SPDL1: variants seen among roughly 807,000 people sequenced by gnomAD.
The protein encoded by SPDL1 is protein Spindly.
Under a neutral mutation model 79.5 loss-of-function variants are expected in SPDL1, and 85 were observed. That is an observed-to-expected ratio of 1.07 (90% CI 0.90 to 1.28). The LOEUF is 1.28. Among genes scored for constraint, SPDL1 ranks in the 50% most tolerant of loss-of-function variants. SPDL1 has a pLI of 0.00. For missense variants in SPDL1, 703 were observed against 697.8 expected (o/e 1.01, Z -0.08); for synonymous variants, 269 against 240.3 (o/e 1.12, Z -1.10).
intron 5 of SPDL1, 49 bp downstream of exon 5, chr5:169,594,343 T>A: frequency 6.2e-7 from 1 of 1,612,544 alleles, no homozygotes; most frequent in Non-Finnish European, 8.5e-7. Flanking sequence ...CATAACTTAT[T>A]TTCTTGCTAA....
chr5:169,604,094 A>G lies in SPDL1; in HGVS notation c.1705A>G (p.Lys569Glu), dbSNP rs764194590. Residue 569 changes from lysine (K) to glutamate (E), a missense_variant, in exon 12 of 12, where the codon AAA (lysine) becomes GAA (glutamate). Coordinates refer to ENST00000265295, the MANE Select transcript of SPDL1 (RefSeq NM_017785.5). ...TGAATCAAAGCTTCAAACAGAAGTTAAAGAAGGAAAAGAAACTTCAAGCAA... is the reference window on the plus strand; with the variant it reads ...TGAATCAAAGCTTCAAACAGAAGTTGAAGAAGGAAAAGAAACTTCAAGCAA... ...AAESKLQTEVKEGKETSSKLE... is the reference protein window; with the variant it reads ...AAESKLQTEVEEGKETSSKLE... 6.2e-7 allele frequency: 1 copy of G among 1,613,100 alleles called. No individual in the cohort carries two copies. The highest frequency in any genetic ancestry group is 1.1e-5 in the South Asian group (1 of 90,872).
At chr5:169,596,862 A>AT (rs2113370145) in intron 8 of SPDL1, among the ~76,000 whole-genome samples, 161 bp downstream of exon 8, 1 of 152,308 alleles carries the variant, frequency 6.6e-6, no homozygotes, top group South Asian at 2.1e-4. Flanking sequence ...TCCATTGGTG[A>AT]TTCTTGCCTG....
chr5:169,599,199 G>A, intron 10 of SPDL1, 40 bp downstream of exon 10: 1 of 1,231,932 alleles, frequency 8.1e-7, no homozygotes, highest in Non-Finnish European at 1.1e-6. Flanking sequence ...TAAATTATGA[G>A]TAACCTGAAA....
rs1487654927 is a variant in SPDL1, at chr5:169,601,476, A to G, written c.1521A>G (p.Ile507Met). Residue 507 changes from isoleucine (I) to methionine (M), a missense_variant, in exon 11 of 12, where the codon ATA becomes ATG. Ile to Met is a conservative substitution (Grantham distance 10). Coordinates refer to ENST00000265295, the MANE Select transcript of SPDL1 (RefSeq NM_017785.5). The part of the protein sequence containing the change: ...NNLQLEKSVS[I>M]YTPVVSLSPH... The stretch of plus-strand genomic sequence containing the variant: ...TGCAATTAGAAAAATCAGTTTCTAT[A>G]TACACACCAGTAGTCAGTCTCTCTC... 3.1e-6 allele frequency: 5 copies of G among 1,614,164 alleles called. No individual in the cohort carries two copies. The South Asian group carries it at 3.3e-5, about 11-fold the overall frequency.
rs200981583 is a variant in SPDL1 at position 169,596,699 on chromosome 5, A to G, written c.1030A>G (p.Lys344Glu). Residue 344 changes from lysine to glutamate, a missense_variant and splice_region_variant, in exon 8 of 12, where the codon AAG (lysine) becomes GAG (glutamate). Transcript: ENST00000265295. ...LGEIRNLEKF[K>E]NLYDSMESKP... ...TGAAATTAGAAATCTGGAGAAATTT[A>G]AGGTATGTATAACAGTTAAAAAAAC... The G allele has an allele frequency of 6.9e-6, 11 of 1,594,876 alleles. No individual in the cohort carries two copies. The highest frequency in any genetic ancestry group is 9.4e-6 in the Non-Finnish European group (11 of 1,174,684).
chr5:169,593,606 T>C, intron 4 of SPDL1, 58 bp downstream of exon 4: 1 of 1,485,182 alleles, frequency 6.7e-7, no homozygotes, highest in Non-Finnish European at 9.0e-7. Flanking sequence ...GGCATATTTT[T>C]ACATGTTTTG....
At chr5:169,585,641 G>C (rs1477229581) in intron 1 of SPDL1, among the ~76,000 whole-genome samples, 1 of 152,214 alleles carries the variant, frequency 6.6e-6, no homozygotes, top group Middle Eastern at 3.2e-3. Flanking sequence ...ACAACATTTA[G>C]TTGGCTGGCC....
chr5:169,586,120 A>T (rs1754975860), intron 1 of SPDL1: 2 of 152,300 alleles, frequency 1.3e-5, no homozygotes, highest in Non-Finnish European at 2.9e-5. Context: ...CCTTTGCAGC[A>T]AACCTGTGCT....
intron 7 of SPDL1, chr5:169,595,281 A>G (rs530008916): frequency 2.3e-4 from 35 of 152,228 alleles, no homozygotes; most frequent in African/African-American, 8.4e-4. Context: ...ATTGTGCCTC[A>G]CTCTACTGAG....
In SPDL1 at chr5:169,588,455, C is replaced by G. The variant is rs149186563; in HGVS notation, c.39C>G (p.Leu13=). Residue 13 remains leucine, a synonymous_variant, in exon 2 of 12, where the codon CTC becomes CTG. Coordinates refer to ENST00000265295, the MANE Select transcript of SPDL1 (RefSeq NM_017785.5). ...ADIITNLRCR[L]KEAEEERLKA... The stretch of plus-strand genomic sequence containing the variant: ...TAATCACAAATCTTCGATGCAGGCT[C>G]AAAGAGGCTGAAGAAGAGCGACTAA... 1.2e-6 allele frequency: 2 copies of G among 1,613,142 alleles called. No individual in the cohort carries two copies. The highest frequency in any genetic ancestry group is 4.5e-5 in the East Asian group (2 of 44,828).
chr5:169,594,451 G>C lies in SPDL1; in HGVS notation c.739G>C (p.Ala247Pro), dbSNP rs1561872190. Residue 247 changes from alanine (A) to proline (P), a missense_variant, in exon 6 of 12, where the codon GCC (alanine) becomes CCC (proline). Coordinates refer to ENST00000265295, the MANE Select transcript of SPDL1 (RefSeq NM_017785.5). The stretch of plus-strand genomic sequence containing the variant: ...ACAGTTGGACCAGGCACTCCAGCAA[G>C]CCTTGGATCCCAATAGTAAAGGCAA... ...QVQLDQALQQ[A>P]LDPNSKGNSL... 1 of 1,614,108 alleles carries C rather than the reference G, an allele frequency of 6.2e-7. No homozygotes were observed.
chr5:169,585,099 T>C (rs766643407), intron 1 of SPDL1, among the ~76,000 whole-genome samples: 3 of 152,142 alleles, frequency 2.0e-5, no homozygotes, highest in Non-Finnish European at 4.4e-5. Flanking sequence ...CACGGCTATC[T>C]CTCTTTGTAG....
intron 1 of SPDL1, 52 bp downstream of exon 1, chr5:169,583,941 G>C (rs1581274711): frequency 6.6e-6 from 1 of 152,502 alleles, no homozygotes; most frequent in Non-Finnish European, 1.5e-5. Context: ...GCAGTGGGGA[G>C]AGTCGAACAG....
In SPDL1 at chr5:169,591,199, A is replaced by G; in HGVS notation, c.311A>G (p.Gln104Arg). ...GAACAACTAAGCAGAAGCCATGGACAGGAAGTGAATGAACTAAAAACTAAG... is the reference window on the plus strand; with the variant it reads ...GAACAACTAAGCAGAAGCCATGGACGGGAAGTGAATGAACTAAAAACTAAG... ...LEEQLSRSHG[Q>R]EVNELKTKIE... is the part of the protein sequence containing the mutation. The change falls in exon 3 of 12, where the codon CAG (glutamine) becomes CGG (arginine). Residue 104 changes from glutamine to arginine, a missense_variant. Coordinates refer to ENST00000265295, the MANE Select transcript of SPDL1 (RefSeq NM_017785.5). 4 of 1,613,596 alleles carry G rather than the reference A, an allele frequency of 2.5e-6. No homozygotes were observed. Among genetic ancestry groups the G allele is most frequent in the Non-Finnish European group, 3.4e-6 (4 of 1,179,862 alleles).
In SPDL1 at chr5:169,600,422, A is replaced by T. The variant is rs139828010; in HGVS notation, c.1325-858A>T. Among the ~76,000 whole-genome samples the T allele has an allele frequency of 2.2e-3, 338 of 152,304 alleles. 4 individuals carry two copies. Among genetic ancestry groups the T allele is most frequent in the African/African-American group, 7.9e-3 (329 of 41,564 alleles). ...ACAGGAGGCAGGGTAGTGAATCCTG[A>T]TAATGTGGGTTTCAAAGGAGCAGTG... On this transcript the variant is annotated intron_variant, in intron 10 of 11. Transcript: ENST00000265295.
rs1441730919 is a variant in SPDL1 at position 169,598,907 on chromosome 5, T to G, written c.1137-65T>G. 1.3e-5 allele frequency: 19 copies of G among 1,484,456 alleles called. No homozygotes were observed. In the East Asian group the frequency reaches 4.5e-4, roughly 35 times the overall value. 92.0% of individuals were successfully genotyped at this position (1,484,456 alleles called of 1,614,324 possible). ...AGAATTCAAATATGCGATGAAATAT[T>G]TATACCACTACACTTATTATATGCT... On this transcript the variant is annotated intron_variant, in intron 9 of 11. Transcript: ENST00000265295.
chr5:169,601,373 T>G lies in SPDL1; in HGVS notation c.1418T>G (p.Leu473Arg), dbSNP rs1167720233. The change falls in exon 11 of 12, where the codon CTC becomes CGC. Residue 473 changes from leucine (L) to arginine (R), a missense_variant. Transcript: ENST00000265295. ...AKDACVNNSA[L>R]GGEVYRLPPQ... is the part of the protein sequence containing the mutation. ...GATGCATGTGTCAACAACAGTGCTC[T>G]CGGGGGAGAAGTTTATCGATTACCG... 2 of 1,614,030 alleles carry G rather than the reference T, an allele frequency of 1.2e-6. No individual in the cohort carries two copies. Among genetic ancestry groups the G allele is most frequent in the African/African-American group, 2.7e-5 (2 of 74,908 alleles).
At chr5:169,601,132 T>A in intron 10 of SPDL1, 148 bp from the exon 11 acceptor site, 1 of 639,948 alleles carries the variant, frequency 1.6e-6, no homozygotes, top group Non-Finnish European at 2.7e-6. Context: ...GAATAAAAGG[T>A]AGAAACAAAG....
At chr5:169,596,351 C>T (rs950452869) in intron 7 of SPDL1, among the ~76,000 whole-genome samples, 1 of 152,108 alleles carries the variant, frequency 6.6e-6, no homozygotes, top group Non-Finnish European at 1.5e-5. Flanking sequence ...AATTACATTA[C>T]AGACTTCAGT....
Sources: gnomAD v4.1 joint callset for allele counts (sites outside exome capture counted in the v4.1 genomes callset) on GRCh38, gnomAD v4.1.1 for gene constraint, MANE v1.5 for transcripts, NCBI Gene and HGNC (gene_info 2026-07-23, HGNC 2026-07-21) for gene names.